LTBP4: variants seen among roughly 807,000 people sequenced by gnomAD.
LTBP4 encodes latent-transforming growth factor beta-binding protein 4.
A neutral mutation model predicts 180.2 loss-of-function variants in LTBP4; 93 were observed. The observed-to-expected ratio is 0.52, with a 90% CI of 0.44 to 0.61. LTBP4 has a LOEUF of 0.61. LTBP4 is among the 20% of genes least tolerant of loss of function. LTBP4 has a pLI of 0.00. For missense variants in LTBP4, 2,116 were observed against 2,256.5 expected (o/e 0.94, Z 1.26); for synonymous variants, 947 against 934.5 (o/e 1.01, Z -0.24).
rs1430736209 is a variant in LTBP4 at position 40,625,988 on chromosome 19, C to G, written c.3964C>G (p.Leu1322Val). Reference protein sequence around the residue: ...YGEAWGMDCALCPAQDSDDFE... With the variant: ...YGEAWGMDCAVCPAQDSDDFE... ...AGAGGCCTGGGGCATGGACTGCGCCCTCTGCCCTGCGCAGGACTCAGGTGC... is the reference window on the plus strand; with the variant it reads ...AGAGGCCTGGGGCATGGACTGCGCCGTCTGCCCTGCGCAGGACTCAGGTGC... Residue 1322 changes from leucine to valine, a missense_variant, in exon 27 of 30, where the codon CTC becomes GTC. Coordinates refer to ENST00000396819, the MANE Select transcript of LTBP4 (RefSeq NM_001042545.2). 1 of 1,606,470 alleles carries G rather than the reference C, an allele frequency of 6.2e-7. No individual in the cohort carries two copies. Among genetic ancestry groups the G allele is most frequent in the East Asian group, 2.2e-5 (1 of 44,492 alleles).
At chr19:40,603,425 C>A (rs1414942458) in intron 1 of LTBP4, among the ~76,000 whole-genome samples, 1 of 152,178 alleles carries the variant, frequency 6.6e-6, no homozygotes, top group African/African-American at 2.4e-5. Flanking sequence ...AATTCCACTT[C>A]ACTATCTAAA....
upstream of LTBP4, chr19:40,601,363 C>A: frequency 8.6e-7 from 1 of 1,156,602 alleles, no homozygotes. Context: ...GGGGCGGCGG[C>A]GCGGCGGAGC....
In LTBP4 at chr19:40,605,179, GCTC is replaced by G; in HGVS notation, c.397_399del (p.Ser133del). ...GCCCCGGCTGTACCAGGCCTCACCC[GCTC>G]CGTGTACACTATGCCACTGGCCAAC... On this transcript the variant is annotated inframe_deletion, in exon 2 of 30. Coordinates refer to ENST00000396819, the MANE Select transcript of LTBP4 (RefSeq NM_001042545.2). The surrounding 1 kb of genome is among the most constrained non-coding windows in gnomAD (Gnocchi z 5.5). 1.2e-6 allele frequency: 2 copies of G among 1,608,290 alleles called. No individual in the cohort carries two copies. The highest frequency in any genetic ancestry group is 1.7e-6 in the Non-Finnish European group (2 of 1,177,734).
intron 6 of LTBP4, 147 bp downstream of exon 6, chr19:40,606,673 A>G (rs2081465092): frequency 1.0e-6 from 1 of 971,630 alleles, no homozygotes; most frequent in Non-Finnish European, 1.5e-6. Context: ...AACTTCTCAG[A>G]TTCTTATACA....
chr19:40,626,905 A>AG, intron 27 of LTBP4, 70 bp from the exon 28 acceptor site: 1 of 1,469,760 alleles, frequency 6.8e-7, no homozygotes, highest in Admixed American at 2.4e-5. Context: ...TCCTCTCCCA[A>AG]GGGGGGTATG....
In LTBP4 at chr19:40,622,797, C is replaced by G. The variant is rs1205494826; in HGVS notation, c.3484+130C>G. The G allele has an allele frequency of 3.5e-6, 5 of 1,417,902 alleles. No individual in the cohort carries two copies. In the African/African-American group the frequency reaches 7.1e-5, roughly 20 times the overall value. The allele number at this position is 1,417,902 out of a possible 1,614,324, so 87.8% of individuals were successfully genotyped here. On this transcript the variant is annotated intron_variant, in intron 23 of 29. Coordinates refer to ENST00000396819, the MANE Select transcript of LTBP4 (RefSeq NM_001042545.2). This position sits in a 1 kb window ranked among gnomAD's most constrained non-coding sequence, Gnocchi z 5.1. ...CTAGTACTGTCAGGGCAAGGGCGAG[C>G]TGCCAGGCAGGTGGGCATGGGCAGA...
At chr19:40,625,252 TTATATA>T (rs71173663) in intron 26 of LTBP4, among the ~76,000 whole-genome samples, 17 of 44,006 alleles carry the variant, frequency 3.9e-4, no homozygotes, top group Admixed American at 1.0e-3. Context: ...ATTTTTGTAT[TTATATA>T]TATATATATA....
intron 19 of LTBP4, 96 bp from the exon 20 acceptor site, chr19:40,616,791 GAT>G: frequency 7.1e-7 from 1 of 1,401,234 alleles, no homozygotes; most frequent in South Asian, 1.3e-5. Flanking sequence ...TAGAATACCA[GAT>G]TGCTAAAGAC....
chr19:40,610,747 A>G, intron 12 of LTBP4, 90 bp downstream of exon 12: 6 of 1,475,692 alleles, frequency 4.1e-6, no homozygotes, highest in Non-Finnish European at 5.4e-6. Flanking sequence ...CAATAGGGCA[A>G]AGCGAGTTGA....
Position 40,622,991 on chromosome 19 carries a change from G to C in LTBP4, c.3526G>C (p.Ala1176Pro). ...GTGCCCTCACGGCCGGGGCTACCTGGCGCCCAGTGGAGACCTGAGCCTCCG... is the reference window on the plus strand; with the variant it reads ...GTGCCCTCACGGCCGGGGCTACCTGCCGCCCAGTGGAGACCTGAGCCTCCG... ...SLCPHGRGYL[A>P]PSGDLSLRRD... Residue 1176 changes from alanine to proline, a missense_variant, in exon 24 of 30, where the codon GCG becomes CCG. Physicochemically the swap from Ala to Pro is conservative, Grantham distance 27. Coordinates refer to ENST00000396819, the MANE Select transcript of LTBP4 (RefSeq NM_001042545.2). This position sits in a 1 kb window ranked among gnomAD's most constrained non-coding sequence, Gnocchi z 5.1. The C allele has an allele frequency of 6.2e-7, 1 of 1,612,862 alleles. No individual in the cohort carries two copies.
chr19:40,599,001 T>C (rs372100363), upstream of LTBP4, among the ~76,000 whole-genome samples: 387 of 152,352 alleles, frequency 2.5e-3, 2 homozygotes, highest in Admixed American at 3.7e-3. Context: ...TCTGTGCCCT[T>C]CAGCCCGAAG....
Position 40,627,166 on chromosome 19 carries a change from G to A in LTBP4, c.4177G>A (p.Ala1393Thr), listed in dbSNP as rs1429999716. 5.0e-6 allele frequency: 8 copies of A among 1,610,804 alleles called. No homozygotes were observed. The Admixed American group carries it at 6.7e-5, about 14-fold the overall frequency. Residue 1393 changes from alanine (A) to threonine (T), a missense_variant, in exon 28 of 30, where the codon GCC becomes ACC. This residue lies in a region of LTBP4 where 488 missense variants were observed against 458.8 expected (regional missense o/e 1.06). Transcript: ENST00000396819. ...CTACCCACCGCCACCTGGGCCCTTC[G>A]CCCGCCGGGAGGCTCCTTATGGGGC... ...DPYPPPPGPFARREAPYGAPR... is the reference protein window; with the variant it reads ...DPYPPPPGPFTRREAPYGAPR...
At position 40,622,692 on chromosome 19, in the gene LTBP4, A is replaced by G; in HGVS notation, c.3484+25A>G. ...GGTGGGCATGGGCTGATGGGGACAC[A>G]GGGCTGAGGGCTTGGGTGGAAATAC... On this transcript the variant is annotated intron_variant, in intron 23 of 29. Coordinates refer to ENST00000396819, the MANE Select transcript of LTBP4 (RefSeq NM_001042545.2). This position sits in a 1 kb window ranked among gnomAD's most constrained non-coding sequence, Gnocchi z 5.1. 4 of 1,577,006 alleles carry G rather than the reference A, an allele frequency of 2.5e-6. No homozygotes were observed. Among genetic ancestry groups the G allele is most frequent in the Non-Finnish European group, 2.6e-6 (3 of 1,161,694 alleles).
chr19:40,612,512 A>G (rs2081515129), intron 15 of LTBP4, among the ~76,000 whole-genome samples: 1 of 152,138 alleles, frequency 6.6e-6, no homozygotes, highest in Non-Finnish European at 1.5e-5. Context: ...GTGACATTTG[A>G]CCCTAATCAT....
Position 40,616,901 on chromosome 19 carries a change from G to A in LTBP4, c.2825G>A (p.Cys942Tyr). 2 of 1,613,982 alleles carry A rather than the reference G, an allele frequency of 1.2e-6. No individual in the cohort carries two copies. The highest frequency in any genetic ancestry group is 8.5e-7 in the Non-Finnish European group (1 of 1,179,896). The change falls in exon 20 of 30, where the codon TGC (cysteine) becomes TAC (tyrosine). Residue 942 changes from cysteine to tyrosine, a missense_variant. By Grantham distance (194) the Cys-to-Tyr change is radical (BLOSUM62 -2). Transcript: ENST00000396819. ...PEGTCDDVDE[C>Y]QEYGPEICGA... ...CCACACTCTGCAGATGTGGATGAGT[G>A]CCAAGAATATGGTCCCGAGATTTGT...
Position 40,625,248 on chromosome 19 carries a change from GTATTTATATATATATATATA to G in LTBP4, c.3833-605_3833-586del, listed in dbSNP as rs1568414177. Among the ~76,000 whole-genome samples, 415 of 58,702 alleles carry G rather than the reference GTATTTATATATATATATATA, an allele frequency of 7.1e-3. 34 individuals carry two copies. Among genetic ancestry groups the G allele is most frequent in the Middle Eastern group, 8.3e-3 (1 of 120 alleles). The allele number at this position is 58,702 out of a possible 152,430, so 38.5% of individuals were successfully genotyped here. On this transcript the variant is annotated intron_variant, in intron 26 of 29. Transcript: ENST00000396819. Reference sequence around the variant, plus strand: ...CCGCCACCAAGCCTGGCTAATTTTTGTATTTATATATATATATATATATATATATATATATATATATATAT... The same window carrying G: ...CCGCCACCAAGCCTGGCTAATTTTTGTATATATATATATATATATATATAT...
In LTBP4 at chr19:40,617,037, C is replaced by T; in HGVS notation, c.2944+17C>T. The T allele has an allele frequency of 6.2e-7, 1 of 1,612,900 alleles. No individual in the cohort carries two copies. Among genetic ancestry groups the T allele is most frequent in the African/African-American group, 1.3e-5 (1 of 75,026 alleles). ...GATGCCAGGGTGGGTGTCCATCAGG[C>T]ATCGGGTGAGATGTGGAGATGGTAG... On this transcript the variant is annotated intron_variant, in intron 20 of 29. Coordinates refer to ENST00000396819, the MANE Select transcript of LTBP4 (RefSeq NM_001042545.2).
chr19:40,606,416 G>T lies in LTBP4; in HGVS notation c.881G>T (p.Cys294Phe). 6.2e-7 allele frequency: 1 copy of T among 1,603,772 alleles called. No individual in the cohort carries two copies. Residue 294 changes from cysteine to phenylalanine, a missense_variant, in exon 6 of 30, where the codon TGC (cysteine) becomes TTC (phenylalanine). This residue lies in a region of LTBP4 where 469 missense variants were observed against 532.5 expected (regional missense o/e 0.88). Coordinates refer to ENST00000396819, the MANE Select transcript of LTBP4 (RefSeq NM_001042545.2). ...VNGSCEDVDE[C>F]ATGGRCQHGE... ...CCAACCCTGGCAGATGTGGATGAGT[G>T]CGCGACTGGCGGGCGCTGCCAGCAC...
rs544511318 is a variant in LTBP4 at position 40,593,701 on chromosome 19, C to G, written c.16+520C>G. Among the ~76,000 whole-genome samples the G allele has an allele frequency of 2.2e-4, 22 of 101,282 alleles. No individual in the cohort carries two copies. In the East Asian group the frequency reaches 5.0e-3, roughly 23 times the overall value. 66.4% of individuals were successfully genotyped at this position (101,282 alleles called of 152,430 possible). On this transcript the variant is annotated intron_variant, in intron 1 of 32. Transcript: ENST00000204005. ...GCTCACAGATCTAGAATATTAGAGT[C>G]ATTTTTTTTTCCAGGCCGGAGAATC... is the stretch of plus-strand genomic sequence containing the variant.
Sources: gnomAD v4.1 joint callset for allele counts (sites outside exome capture counted in the v4.1 genomes callset) on GRCh38, gnomAD v4.1.1 for gene constraint, gnomAD v4.1.1 regional missense constraint, Gnocchi (gnomAD v3.1) non-coding constraint, MANE v1.5 for transcripts, NCBI Gene and HGNC (gene_info 2026-07-23, HGNC 2026-07-21) for gene names.